The following RUFY2 variants were observed in gnomAD, a reference collection of about 807,000 sequenced individuals.
RUFY2 encodes the protein RUN and FYVE domain-containing protein 2.
RUFY2 carries 49 observed loss-of-function variants against 94.4 expected under a neutral mutation model. That is an observed-to-expected ratio of 0.52 (90% CI 0.41 to 0.66). RUFY2 has a LOEUF of 0.66. RUFY2 is among the 30% of genes least tolerant of loss of function. The pLI is 0.00. For synonymous variants in RUFY2, 255 were observed against 235.7 expected, an observed-to-expected ratio of 1.08 and a Z score of -0.75; for missense variants, 541 against 692.8, an observed-to-expected ratio of 0.78 and a Z score of 2.46.
intron 16 of RUFY2, among the ~76,000 whole-genome samples, chr10:68,351,929 T>C (rs1426363446): frequency 6.6e-6 from 1 of 151,118 alleles, no homozygotes; most frequent in Admixed American, 6.6e-5. Flanking sequence ...TGGTGGTGGG[T>C]GCCTGTAATC....
At position 68,401,829 on chromosome 10, in the gene RUFY2, A is replaced by T. The variant is rs1178541280; in HGVS notation, c.179-92T>A. The T allele has an allele frequency of 2.8e-5, 21 of 755,902 alleles. No homozygotes were observed. The East Asian group carries it at 3.8e-4, about 14-fold the overall frequency. The allele number at this position is 755,902 out of a possible 1,614,324, so 46.8% of individuals were successfully genotyped here. ...ATTTAGTTTCAACATTTCTAACTTAACATACAATTATTCAGAGATCTTTCC... is the reference window on the plus strand; with the variant it reads ...ATTTAGTTTCAACATTTCTAACTTATCATACAATTATTCAGAGATCTTTCC... On this transcript the variant is annotated intron_variant, in intron 2 of 17. Transcript: ENST00000602465.
At chr10:68,384,197 T>C in intron 8 of RUFY2, 45 bp from the exon 9 acceptor site, 1 of 1,554,342 alleles carries the variant, frequency 6.4e-7, no homozygotes. Context: ...TAAACACCCT[T>C]ATACTTGCTT....
intron 1 of RUFY2, chr10:68,406,951 G>T: frequency 3.2e-6 from 5 of 1,550,822 alleles, no homozygotes; most frequent in Non-Finnish European, 4.4e-6. Context: ...TCGAGCCCTC[G>T]GCCACTATGC....
chr10:68,347,096 C>T (rs974802402), intron 16 of RUFY2, among the ~76,000 whole-genome samples: 1 of 151,426 alleles, frequency 6.6e-6, no homozygotes, highest in African/African-American at 2.4e-5. Context: ...CCACTGCACT[C>T]GAGCCTGAGC....
At chr10:68,354,549 T>C (rs912066823) in intron 16 of RUFY2, among the ~76,000 whole-genome samples, 3 of 152,264 alleles carry the variant, frequency 2.0e-5, no homozygotes, top group African/African-American at 7.2e-5. Flanking sequence ...ACACTGTCCT[T>C]TCTTCTATGT....
At chr10:68,376,442 G>GTGTA (rs1277502418) in intron 13 of RUFY2, among the ~76,000 whole-genome samples, 5 of 27,964 alleles carry the variant, frequency 1.8e-4, no homozygotes, top group Non-Finnish European at 2.0e-4. Context: ...AAAAATGTGT[G>GTGTA]TATATATATA....
chr10:68,368,862 T>C lies in RUFY2; in HGVS notation c.1326-4749A>G, dbSNP rs1264571118. Among the ~76,000 whole-genome samples the C allele has an allele frequency of 2.6e-5, 4 of 152,264 alleles. No homozygotes were observed. In the East Asian group the frequency reaches 7.7e-4, roughly 29 times the overall value. On this transcript the variant is annotated intron_variant, in intron 13 of 17. Coordinates refer to ENST00000602465, the MANE Select transcript of RUFY2 (RefSeq NM_001330103.2). ...AGACAAAAAAAGCCCCAAGTGGAGC[T>C]GTTCCCGGGCCAAAGGGCCAGGAAA...
At chr10:68,396,514 A>T (rs1219076127) in intron 4 of RUFY2, among the ~76,000 whole-genome samples, 1 of 152,160 alleles carries the variant, frequency 6.6e-6, no homozygotes, top group Non-Finnish European at 1.5e-5. Flanking sequence ...AAAAGAAAAA[A>T]TTTTTAAACA....
downstream of RUFY2, chr10:68,342,293 A>G (rs919945879): frequency 3.3e-5 from 14 of 422,404 alleles, no homozygotes; most frequent in Non-Finnish European, 5.9e-5. Flanking sequence ...GATACTTTTT[A>G]TATACTAGTT....
At chr10:68,373,243 T>C (rs575066170) in intron 13 of RUFY2, among the ~76,000 whole-genome samples, 1 of 152,264 alleles carries the variant, frequency 6.6e-6, no homozygotes, top group South Asian at 2.1e-4. Flanking sequence ...ACCAAAAATC[T>C]ATACCAAGAG....
At chr10:68,356,617 A>C (rs1230258967) in intron 15 of RUFY2, among the ~76,000 whole-genome samples, 2 of 151,730 alleles carry the variant, frequency 1.3e-5, no homozygotes, top group East Asian at 4.0e-4. Flanking sequence ...GCACGATCTC[A>C]ACTCACTGCA....
Position 68,345,989 on chromosome 10 carries a change from A to C in RUFY2, c.1677+18T>G. ...TTTTGCACTCCAAATTTTTGGACTC[A>C]CTTCTTATCTCCCTTACCTTTCTCT... On this transcript the variant is annotated intron_variant, in intron 17 of 17. Coordinates refer to ENST00000602465, the MANE Select transcript of RUFY2 (RefSeq NM_001330103.2). The C allele has an allele frequency of 6.2e-7, 1 of 1,612,504 alleles. No homozygotes were observed. Among genetic ancestry groups the C allele is most frequent in the Non-Finnish European group, 8.5e-7 (1 of 1,179,286 alleles).
Position 68,364,198 on chromosome 10 carries a change from G to A in RUFY2, c.1326-85C>T, listed in dbSNP as rs2047649601. 1.4e-5 allele frequency: 19 copies of A among 1,319,950 alleles called. 1 individual carries two copies. The South Asian group carries it at 2.5e-4, about 17-fold the overall frequency. The allele number at this position is 1,319,950 out of a possible 1,614,324, so 81.8% of individuals were successfully genotyped here. Reference sequence around the variant, plus strand: ...TATTCTTTACTAAAATCACCCTTTTGGTTTATTACTTTGGCCTTTGTAATG... The same window carrying A: ...TATTCTTTACTAAAATCACCCTTTTAGTTTATTACTTTGGCCTTTGTAATG... On this transcript the variant is annotated intron_variant, in intron 13 of 17. Transcript: ENST00000602465.
chr10:68,381,906 TTC>T lies in RUFY2; in HGVS notation c.940-509_940-508del, dbSNP rs150106079. ...TGTTAAAATGAAAGCATTTTCTATA[TTC>T]TGTTAATCATTACTCTTTAACGGTC... On this transcript the variant is annotated intron_variant, in intron 10 of 17. Coordinates refer to ENST00000602465, the MANE Select transcript of RUFY2 (RefSeq NM_001330103.2). 9.2e-3 allele frequency among the ~76,000 whole-genome samples: 1,403 copies of T among 152,364 alleles called. 11 individuals are homozygous for T. Among genetic ancestry groups the T allele is most frequent in the Non-Finnish European group, 0.016 (1,070 of 68,034 alleles).
chr10:68,377,192 A>ATACTATC, intron 12 of RUFY2: 1 of 1,391,002 alleles, frequency 7.2e-7, no homozygotes, highest in Non-Finnish European at 9.3e-7. Context: ...TATGCCCAGA[A>ATACTATC]TACTATCTTC....
At chr10:68,400,793 A>C (rs1179437788) in intron 3 of RUFY2, among the ~76,000 whole-genome samples, 1 of 152,022 alleles carries the variant, frequency 6.6e-6, no homozygotes, top group Non-Finnish European at 1.5e-5. Flanking sequence ...CAGGCGGATC[A>C]CGAGGTCAGG....
In RUFY2 at chr10:68,376,487, T is replaced by TAA. The variant is rs2048678712; in HGVS notation, c.1325+365_1325+366insTT. On this transcript the variant is annotated intron_variant, in intron 13 of 17. Coordinates refer to ENST00000602465, the MANE Select transcript of RUFY2 (RefSeq NM_001330103.2). ...ATATATATATATATATATATATATATATATTCTCAGAAAACAGCATGTCCT... is the reference window on the plus strand; with the variant it reads ...ATATATATATATATATATATATATATAAATATTCTCAGAAAACAGCATGTCCT... 2.8e-5 allele frequency among the ~76,000 whole-genome samples: 2 copies of TAA among 71,038 alleles called. 1 individual carries two copies. The highest frequency in any genetic ancestry group is 6.2e-5 in the Non-Finnish European group (2 of 32,358). 46.6% of individuals were successfully genotyped at this position (71,038 alleles called of 152,430 possible).
intron 11 of RUFY2, among the ~76,000 whole-genome samples, chr10:68,380,536 T>A (rs906650088): frequency 1.3e-5 from 2 of 152,168 alleles, no homozygotes; most frequent in South Asian, 4.1e-4. Flanking sequence ...TTTGGCAACA[T>A]ATCTACTTAA....
At chr10:68,397,794 T>C (rs2050503959) in intron 3 of RUFY2, among the ~76,000 whole-genome samples, 2 of 150,928 alleles carry the variant, frequency 1.3e-5, no homozygotes, top group African/African-American at 4.9e-5. Context: ...AAAAAAGAAA[T>C]ATTTAGTCTG....
Sources: gnomAD v4.1 joint callset for allele counts (sites outside exome capture counted in the v4.1 genomes callset) on GRCh38, gnomAD v4.1.1 for gene constraint, MANE v1.5 for transcripts, NCBI Gene and HGNC (gene_info 2026-07-23, HGNC 2026-07-21) for gene names.